The following MATN2 variants were observed in gnomAD, a reference collection of about 807,000 sequenced individuals.
MATN2 encodes matrilin 2.
MATN2 carries 69 observed loss-of-function variants against 103.2 expected under a neutral mutation model. That is an observed-to-expected ratio of 0.67 (90% CI 0.55 to 0.82). The LOEUF is 0.82. Among genes scored for constraint, MATN2 ranks in the 40% least tolerant of loss-of-function variants. The probability of loss-of-function intolerance (pLI) is 0.00; values close to 1 mark genes in which losing one functional copy is unlikely to be tolerated. For synonymous variants in MATN2, 429 were observed against 450.2 expected (o/e 0.95, Z 0.60); for missense variants, 1,023 against 1,211.5 (o/e 0.84, Z 2.31).
chr8:97,930,719 T>C (rs1026995551), intron 2 of MATN2, among the ~76,000 whole-genome samples: 2 of 152,160 alleles, frequency 1.3e-5, no homozygotes, highest in African/African-American at 2.4e-5. Flanking sequence ...GCTTGCTGGA[T>C]TCAAGTGATT....
chr8:98,003,920 TCA>T, intron 8 of MATN2, 137 bp downstream of exon 8: 1 of 911,450 alleles, frequency 1.1e-6, no homozygotes, highest in Non-Finnish European at 1.7e-6. Flanking sequence ...TTCCTTATCC[TCA>T]GTTTCATCAC....
chr8:97,914,847 C>T (rs1809568713), intron 2 of MATN2, among the ~76,000 whole-genome samples: 1 of 152,216 alleles, frequency 6.6e-6, no homozygotes, highest in African/African-American at 2.4e-5. Flanking sequence ...CAGCTTGTTG[C>T]CTGGTCAACA....
chr8:97,888,149 G>C lies in MATN2; in HGVS notation c.49G>C (p.Val17Leu), dbSNP rs1309091133. The change falls in exon 2 of 19, where the codon GTC (valine) becomes CTC (leucine). Residue 17 changes from valine to leucine, a missense_variant. By Grantham distance (32) the Val-to-Leu change is conservative. Transcript: ENST00000254898. ...CTTTCTGCTGATCCTCGGACAGATC[G>C]TCCTCCTCCCTGCCGAGGCCAGGGA... Reference protein sequence around the residue: ...GCFLLILGQIVLLPAEARERS... With the variant: ...GCFLLILGQILLLPAEARERS... The C allele has an allele frequency of 6.2e-7, 1 of 1,609,224 alleles. No homozygotes were observed. Among genetic ancestry groups the C allele is most frequent in the Non-Finnish European group, 8.5e-7 (1 of 1,177,964 alleles).
At chr8:97,908,941 G>A (rs551789248) in intron 2 of MATN2, among the ~76,000 whole-genome samples, 167 of 151,170 alleles carry the variant, frequency 1.1e-3, no homozygotes, top group African/African-American at 3.9e-3. Flanking sequence ...GCCCCTCCCC[G>A]CCCCCTTTTT....
At chr8:97,991,558 C>A (rs1586131782) in intron 6 of MATN2, among the ~76,000 whole-genome samples, 1 of 152,122 alleles carries the variant, frequency 6.6e-6, no homozygotes, top group Non-Finnish European at 1.5e-5. Flanking sequence ...CCCGTCTCTA[C>A]TAAATTACAA....
At chr8:98,025,935 T>G (rs141304032) in intron 13 of MATN2, among the ~76,000 whole-genome samples, 1 of 152,060 alleles carries the variant, frequency 6.6e-6, no homozygotes, top group African/African-American at 2.4e-5. Flanking sequence ...CCCAGCACTT[T>G]GGAAGGCCAA....
chr8:97,907,496 G>A lies in MATN2; in HGVS notation c.142+19254G>A, dbSNP rs1051873757. 2.8e-5 allele frequency among the ~76,000 whole-genome samples: 3 copies of A among 106,260 alleles called. 1 individual carries two copies. Among genetic ancestry groups the A allele is most frequent in the Admixed American group, 2.0e-4 (2 of 10,130 alleles). The allele number at this position is 106,260 out of a possible 152,430, so 69.7% of individuals were successfully genotyped here. On this transcript the variant is annotated intron_variant, in intron 2 of 18. Transcript: ENST00000254898. The stretch of plus-strand genomic sequence containing the variant: ...CTGGCTAATTTTTTTTTTTTTTTTT[G>A]TATTTTTAGTAGAGATGGGGTTTCA...
At chr8:97,999,205 T>C (rs1224416124) in intron 7 of MATN2, among the ~76,000 whole-genome samples, 1 of 152,262 alleles carries the variant, frequency 6.6e-6, no homozygotes, top group Non-Finnish European at 1.5e-5. Flanking sequence ...TAATATTCCA[T>C]TGTATCTATA....
chr8:97,900,294 G>A (rs746062069), intron 2 of MATN2, among the ~76,000 whole-genome samples: 10 of 152,208 alleles, frequency 6.6e-5, no homozygotes, highest in Non-Finnish European at 1.3e-4. Flanking sequence ...AGGCTGGTTG[G>A]CCAGATGGAC....
intron 4 of MATN2, among the ~76,000 whole-genome samples, chr8:97,957,865 C>A (rs1354244053): frequency 6.6e-6 from 1 of 152,164 alleles, no homozygotes; most frequent in African/African-American, 2.4e-5. Context: ...CACCCCCTGC[C>A]AGTCTGATTT....
chr8:97,894,511 A>G (rs562970941), intron 2 of MATN2, among the ~76,000 whole-genome samples: 36 of 151,982 alleles, frequency 2.4e-4, no homozygotes, highest in African/African-American at 8.7e-4. Context: ...TTGCAGAGAC[A>G]GGGTCTTACT....
At chr8:98,023,860 A>T (rs1230196948) in intron 13 of MATN2, among the ~76,000 whole-genome samples, 2 of 152,228 alleles carry the variant, frequency 1.3e-5, no homozygotes, top group Admixed American at 1.3e-4. Flanking sequence ...CTATGCGGCC[A>T]TAAAAAGAAA....
intron 13 of MATN2, among the ~76,000 whole-genome samples, chr8:98,026,199 A>AAT (rs1165029075): frequency 6.8e-6 from 1 of 146,926 alleles, no homozygotes; most frequent in Non-Finnish European, 1.5e-5. Context: ...AAAAAAAAAA[A>AAT]ATGCCTGAAA....
In MATN2 at chr8:97,875,005, C is replaced by T. The variant is rs116873050; in HGVS notation, c.-27+5718C>T. On this transcript the variant is annotated intron_variant, in intron 1 of 18. Transcript: ENST00000254898. ...TGCTGGGATTACAGGCACAAGCCAC[C>T]GCCCCTGGCCCCTCTTCTACTTTTG... Among the ~76,000 whole-genome samples the T allele has an allele frequency of 4.7e-3, 709 of 152,262 alleles. 18 individuals carry two copies. In the East Asian group the frequency reaches 0.071, roughly 15 times the overall value.
intron 2 of MATN2, among the ~76,000 whole-genome samples, chr8:97,926,398 G>C (rs1031364487): frequency 6.6e-6 from 1 of 152,326 alleles, no homozygotes; most frequent in Admixed American, 6.5e-5. Context: ...AAACTGTGAA[G>C]CTTTTCACAG....
intron 6 of MATN2, among the ~76,000 whole-genome samples, chr8:97,989,891 A>G (rs1812335055): frequency 6.6e-6 from 1 of 151,866 alleles, no homozygotes; most frequent in African/African-American, 2.4e-5. Context: ...TTAAAAAAAT[A>G]CCTTTTCAGG....
At chr8:97,903,039 G>A (rs1819042402) in intron 2 of MATN2, among the ~76,000 whole-genome samples, 1 of 152,184 alleles carries the variant, frequency 6.6e-6, no homozygotes, top group Non-Finnish European at 1.5e-5. Flanking sequence ...GCAGAGGGAA[G>A]ACACTGGGCC....
chr8:97,907,976 A>G (rs1432962489), intron 2 of MATN2, among the ~76,000 whole-genome samples: 1 of 152,172 alleles, frequency 6.6e-6, no homozygotes, highest in Non-Finnish European at 1.5e-5. Context: ...TGTCTCTACT[A>G]AAAATACAAA....
rs181310700 is a variant in MATN2, at chr8:97,898,554, A to G, written c.142+10312A>G. ...GGAGGTTGCAGTGAGCTGAGATCAC[A>G]CCACTACACTCCAGCCTGGGCAACA... On this transcript the variant is annotated intron_variant, in intron 2 of 18. Transcript: ENST00000254898. Among the ~76,000 whole-genome samples, 383 of 150,636 alleles carry G rather than the reference A, an allele frequency of 2.5e-3. 2 individuals carry two copies. The highest frequency in any genetic ancestry group is 8.7e-3 in the African/African-American group (355 of 40,922).
Sources: gnomAD v4.1 joint callset for allele counts (sites outside exome capture counted in the v4.1 genomes callset) on GRCh38, gnomAD v4.1.1 for gene constraint, MANE v1.5 for transcripts, NCBI Gene and HGNC (gene_info 2026-07-23, HGNC 2026-07-21) for gene names.